LDB2: variants seen among roughly 807,000 people sequenced by gnomAD.
LDB2 encodes the protein LIM domain binding 2, also known as LIM domain-binding protein 2.
A neutral mutation model predicts 44.3 loss-of-function variants in LDB2; 12 were observed. The ratio of observed to expected loss-of-function variants is 0.27; its 90% CI spans 0.17 to 0.44. The LOEUF (loss-of-function observed/expected upper bound fraction) is 0.44. Ranked by LOEUF, LDB2 falls within the 20% of genes least tolerant of loss-of-function variation. LDB2 has a pLI of 1.00. For synonymous variants in LDB2, 164 were observed against 174.8 expected (o/e 0.94, Z 0.49); for missense variants, 344 against 473.5 (o/e 0.73, Z 2.54).
intron 5 of LDB2, among the ~76,000 whole-genome samples, chr4:16,514,577 A>G (rs1443154332): frequency 2.6e-5 from 4 of 152,170 alleles, no homozygotes; most frequent in African/African-American, 7.2e-5. Flanking sequence ...TGTACCTATT[A>G]CTGACCTAAG....
chr4:16,662,242 A>G (rs1286972088), intron 2 of LDB2, among the ~76,000 whole-genome samples: 1 of 151,942 alleles, frequency 6.6e-6, no homozygotes, highest in Non-Finnish European at 1.5e-5. Flanking sequence ...CTCACATCCT[A>G]CCTTGCCCTG....
chr4:16,839,640 A>G (rs934043422), intron 1 of LDB2, among the ~76,000 whole-genome samples: 4 of 152,160 alleles, frequency 2.6e-5, no homozygotes, highest in Admixed American at 2.6e-4. Flanking sequence ...AGAGTTAAGG[A>G]ATTTGCCCAA....
intron 2 of LDB2, among the ~76,000 whole-genome samples, chr4:16,666,927 G>C (rs1463261463): frequency 6.6e-6 from 1 of 152,128 alleles, no homozygotes. Flanking sequence ...TCAGCTCAAG[G>C]AATTCCCTTT....
intron 5 of LDB2, among the ~76,000 whole-genome samples, chr4:16,583,423 T>C (rs1353807316): frequency 2.0e-5 from 3 of 152,222 alleles, no homozygotes; most frequent in East Asian, 1.9e-4. Flanking sequence ...TTGAAGCTTC[T>C]TGTTACCTTA....
At chr4:16,723,598 C>G (rs1008917073) in intron 2 of LDB2, among the ~76,000 whole-genome samples, 6 of 152,046 alleles carry the variant, frequency 3.9e-5, no homozygotes, top group Non-Finnish European at 7.4e-5. Flanking sequence ...ATGAACTCAC[C>G]CCATCTTATA....
At chr4:16,628,731 G>A (rs2152491600) in intron 2 of LDB2, among the ~76,000 whole-genome samples, 1 of 152,252 alleles carries the variant, frequency 6.6e-6, no homozygotes, top group African/African-American at 2.4e-5. Flanking sequence ...GAGGTACCTG[G>A]TTCATCTCAC....
At chr4:16,792,116 T>C (rs1775887857) in intron 1 of LDB2, among the ~76,000 whole-genome samples, 1 of 152,196 alleles carries the variant, frequency 6.6e-6, no homozygotes, top group South Asian at 2.1e-4. Context: ...AAAATGGGTG[T>C]GGATTTGAGG....
chr4:16,518,403 G>T (rs1430726276), intron 5 of LDB2, among the ~76,000 whole-genome samples: 5 of 151,870 alleles, frequency 3.3e-5, no homozygotes, highest in African/African-American at 4.8e-5. Flanking sequence ...GACATCCTAT[G>T]GCCTTGAACC....
chr4:16,707,239 G>C (rs1754803335), intron 2 of LDB2, among the ~76,000 whole-genome samples: 1 of 152,024 alleles, frequency 6.6e-6, no homozygotes, highest in Non-Finnish European at 1.5e-5. Flanking sequence ...AACTTTACCT[G>C]AACACTTGTG....
In LDB2 at chr4:16,785,479, C is replaced by G. The variant is rs962421236; in HGVS notation, c.133-26219G>C. ...CACTGTAATGAGCAGTTGCAAGTGC[C>G]CATTCCGACTCCGTAAACAGGCCAA... On this transcript the variant is annotated intron_variant, in intron 1 of 7. Transcript: ENST00000304523. Among the ~76,000 whole-genome samples the G allele has an allele frequency of 5.9e-5, 9 of 152,104 alleles. No individual in the cohort carries two copies. In the East Asian group the frequency reaches 1.7e-3, roughly 29 times the overall value.
chr4:16,796,492 A>G (rs1037945036), intron 1 of LDB2, among the ~76,000 whole-genome samples: 1 of 152,200 alleles, frequency 6.6e-6, no homozygotes, highest in Non-Finnish European at 1.5e-5. Flanking sequence ...GCTGATATAC[A>G]TACATGGTTG....
intron 2 of LDB2, among the ~76,000 whole-genome samples, chr4:16,758,576 C>T (rs1159223144): frequency 2.0e-5 from 3 of 152,142 alleles, no homozygotes; most frequent in Non-Finnish European, 4.4e-5. Context: ...AGGTGCCACA[C>T]GCTGTAATTT....
chr4:16,627,906 T>G (rs555477920), intron 2 of LDB2, among the ~76,000 whole-genome samples: 1 of 152,326 alleles, frequency 6.6e-6, no homozygotes, highest in Admixed American at 6.5e-5. Context: ...CCTGAACACC[T>G]GGCCACTGCT....
intron 1 of LDB2, among the ~76,000 whole-genome samples, chr4:16,759,553 T>C (rs759854142): frequency 2.4e-4 from 37 of 152,274 alleles, no homozygotes; most frequent in Non-Finnish European, 5.1e-4. Flanking sequence ...GTGATGTTTT[T>C]TGACAAAAGG....
Position 16,572,678 on chromosome 4 carries a change from G to T in LDB2, c.615+13244C>A, listed in dbSNP as rs531694358. ...CTGATTTCTAGACACTGACCTGTCT[G>T]TAACTTATGGTTATTCACTTCTTTA... On this transcript the variant is annotated intron_variant, in intron 5 of 7. Transcript: ENST00000304523. Among the ~76,000 whole-genome samples, 60 of 152,150 alleles carry T rather than the reference G, an allele frequency of 3.9e-4. No homozygotes were observed. The South Asian group carries it at 0.011, about 28-fold the overall frequency.
chr4:16,799,515 C>T (rs1777365132), intron 1 of LDB2, among the ~76,000 whole-genome samples: 1 of 152,256 alleles, frequency 6.6e-6, no homozygotes, highest in Non-Finnish European at 1.5e-5. Context: ...TCCACGGGCT[C>T]TTGCCCCATC....
chr4:16,693,125 T>C (rs978459355), intron 2 of LDB2, among the ~76,000 whole-genome samples: 1 of 152,082 alleles, frequency 6.6e-6, no homozygotes, highest in Non-Finnish European at 1.5e-5. Flanking sequence ...ATATTGGCAG[T>C]GGAGACACCA....
At chr4:16,822,664 G>A (rs1194794555) in intron 1 of LDB2, among the ~76,000 whole-genome samples, 1 of 151,888 alleles carries the variant, frequency 6.6e-6, no homozygotes, top group Non-Finnish European at 1.5e-5. Flanking sequence ...ACAGGCACGT[G>A]CCACCACGCC....
At chr4:16,731,286 T>C (rs1760695181) in intron 2 of LDB2, among the ~76,000 whole-genome samples, 2 of 152,116 alleles carry the variant, frequency 1.3e-5, no homozygotes, top group African/African-American at 4.8e-5. Flanking sequence ...CTTCCCACTT[T>C]GTACAAACTT....
Sources: allele counts gnomAD v4.1 joint callset (sites outside exome capture counted in the v4.1 genomes callset), GRCh38; gene constraint gnomAD v4.1.1; transcripts MANE v1.5; gene names NCBI Gene and HGNC (gene_info 2026-07-23, HGNC 2026-07-21).